Variants in PPHLN1 observed in about 807,000 individuals in gnomAD.
PPHLN1 encodes periphilin 1, also known as periphilin-1.
In PPHLN1, 29 loss-of-function variants were observed where a neutral mutation model predicts 51.3. The observed-to-expected ratio is 0.57, with a 90% confidence interval of 0.42 to 0.77. The LOEUF is 0.77. Among genes scored for constraint, PPHLN1 ranks in the 30% least tolerant of loss-of-function variants. The pLI is 0.00. For synonymous variants in PPHLN1, 147 were observed against 147.8 expected (o/e 0.99, Z 0.04); for missense variants, 436 against 438.4 (o/e 0.99, Z 0.05).
rs1592719995 is a variant in PPHLN1 at position 42,398,556 on chromosome 12, C to T, written c.769-298C>T. 6.1e-5 allele frequency: 14 copies of T among 228,682 alleles called. No individual in the cohort carries two copies. The East Asian group carries it at 1.2e-3, about 20-fold the overall frequency. The allele number at this position is 228,682 out of a possible 1,614,324, so 14.2% of individuals were successfully genotyped here. On this transcript the variant is annotated intron_variant, in intron 8 of 9. Transcript: ENST00000358314. ...TAAAAAGTAACAGCCTCACTTGCTTCGGCAGCACATGCACTAAAAATTGGA... is the reference window on the plus strand; with the variant it reads ...TAAAAAGTAACAGCCTCACTTGCTTTGGCAGCACATGCACTAAAAATTGGA...
intron 6 of PPHLN1, among the ~76,000 whole-genome samples, chr12:42,385,870 T>C (rs2077149437): frequency 6.6e-6 from 1 of 152,202 alleles, no homozygotes; most frequent in South Asian, 2.1e-4. Context: ...TTTGGTGTAA[T>C]GGGATACACT....
At chr12:42,432,997 A>C in intron 9 of PPHLN1, 1 of 1,394,870 alleles carries the variant, frequency 7.2e-7, no homozygotes. Context: ...CTTTATGTGC[A>C]TTTTCATTAG....
At chr12:42,445,974 C>G, downstream of PPHLN1, 1 of 1,501,280 alleles carries the variant, frequency 6.7e-7, no homozygotes. Context: ...TCCCCTCAGG[C>G]CCTCTTTGGA....
At chr12:42,415,083 C>T (rs2080248936) in intron 9 of PPHLN1, among the ~76,000 whole-genome samples, 2 of 152,136 alleles carry the variant, frequency 1.3e-5, no homozygotes, top group African/African-American at 4.8e-5. Flanking sequence ...TATGTGTGAA[C>T]GTGGACCTAT....
chr12:42,326,895 G>A (rs2068866117), intron 1 of PPHLN1, among the ~76,000 whole-genome samples: 1 of 152,178 alleles, frequency 6.6e-6, no homozygotes, highest in Non-Finnish European at 1.5e-5. Flanking sequence ...CGTTCCAGCA[G>A]CCTGGAACCC....
At chr12:42,406,241 G>A (rs2079294430) in intron 9 of PPHLN1, among the ~76,000 whole-genome samples, 1 of 151,952 alleles carries the variant, frequency 6.6e-6, no homozygotes, top group Non-Finnish European at 1.5e-5. Flanking sequence ...CCGCCACCAT[G>A]CCCGGCTAAT....
intron 9 of PPHLN1, among the ~76,000 whole-genome samples, chr12:42,423,309 G>C (rs908050547): frequency 2.0e-5 from 3 of 151,988 alleles, no homozygotes; most frequent in African/African-American, 7.2e-5. Context: ...AATGCCTTCA[G>C]AGATAAAAGT....
intron 1 of PPHLN1, among the ~76,000 whole-genome samples, chr12:42,333,799 T>C (rs2406677): frequency 0.081 from 12,331 of 152,250 alleles, 546 homozygotes; most frequent in East Asian, 0.15. Flanking sequence ...TTTACTAACC[T>C]ATGTAAGTGT....
intron 1 of PPHLN1, among the ~76,000 whole-genome samples, chr12:42,331,414 G>A (rs1216189954): frequency 1.3e-5 from 2 of 152,206 alleles, no homozygotes; most frequent in Non-Finnish European, 2.9e-5. Flanking sequence ...TTGACAGAAG[G>A]ATATTGCCTA....
At chr12:42,347,815 A>G (rs2072589874) in intron 2 of PPHLN1, among the ~76,000 whole-genome samples, 1 of 152,178 alleles carries the variant, frequency 6.6e-6, no homozygotes, top group South Asian at 2.1e-4. Flanking sequence ...ATTCTTTGCC[A>G]CTCATCATAG....
chr12:42,446,569 C>A (rs751915246), downstream of PPHLN1: 2 of 1,612,432 alleles, frequency 1.2e-6, no homozygotes, highest in Non-Finnish European at 1.7e-6. Flanking sequence ...TCATGTTTGT[C>A]TCTTGTTGTT....
chr12:42,370,396 T>C (rs1252913220), intron 4 of PPHLN1, among the ~76,000 whole-genome samples: 1 of 152,198 alleles, frequency 6.6e-6, no homozygotes, highest in East Asian at 1.9e-4. Context: ...TCACATTCTT[T>C]CTTTACTTTT....
intron 2 of PPHLN1, among the ~76,000 whole-genome samples, chr12:42,339,163 T>C (rs1221017015): frequency 6.6e-6 from 1 of 152,234 alleles, no homozygotes; most frequent in African/African-American, 2.4e-5. Flanking sequence ...TTAAGTTAAC[T>C]GGCTGCTTGG....
At chr12:42,350,081 C>T (rs1298780678) in intron 2 of PPHLN1, 2 of 150,958 alleles carry the variant, frequency 1.3e-5, no homozygotes, top group Non-Finnish European at 3.0e-5. Flanking sequence ...GCGCCCCCCA[C>T]CTCCCAGACG....
At chr12:42,343,906 T>C (rs945494258) in intron 2 of PPHLN1, 1 of 446,998 alleles carries the variant, frequency 2.2e-6, no homozygotes, top group South Asian at 1.6e-5. Context: ...CAAGAATCAG[T>C]GAGTGAAATA....
chr12:42,347,054 C>G (rs2072450031), intron 2 of PPHLN1: 1 of 152,112 alleles, frequency 6.6e-6, no homozygotes, highest in South Asian at 2.1e-4. Context: ...CCCAGCTGGC[C>G]TTTTTGTTTG....
chr12:42,394,887 T>C (rs1220666761), intron 8 of PPHLN1, among the ~76,000 whole-genome samples: 1 of 152,122 alleles, frequency 6.6e-6, no homozygotes, highest in African/African-American at 2.4e-5. Context: ...GCTTCAAAAT[T>C]GCTGCTTTGG....
At chr12:42,417,840 G>T (rs944500262) in intron 9 of PPHLN1, among the ~76,000 whole-genome samples, 1 of 145,142 alleles carries the variant, frequency 6.9e-6, no homozygotes, top group Non-Finnish European at 1.5e-5. Flanking sequence ...AGTGATAATA[G>T]TTAAACTTAT....
intron 2 of PPHLN1, among the ~76,000 whole-genome samples, chr12:42,339,431 C>T (rs1396222692): frequency 1.3e-5 from 2 of 152,062 alleles, no homozygotes; most frequent in African/African-American, 4.8e-5. Context: ...TTCTCTTTCC[C>T]TCAATACATT....
Sources: allele counts gnomAD v4.1 joint callset (sites outside exome capture counted in the v4.1 genomes callset), GRCh38; gene constraint gnomAD v4.1.1; transcripts MANE v1.5; gene names NCBI Gene and HGNC (gene_info 2026-07-23, HGNC 2026-07-21).